The following ARID2 variants were observed in gnomAD, a reference collection of about 807,000 sequenced individuals.
ARID2 encodes AT-rich interactive domain-containing protein 2.
ARID2 carries 32 observed loss-of-function variants against 184.6 expected under a neutral mutation model. The ratio of observed to expected loss-of-function variants is 0.17; its 90% CI spans 0.13 to 0.23. The LOEUF is 0.23. Among genes scored for constraint, ARID2 ranks in the 10% least tolerant of loss-of-function variants. The probability of loss-of-function intolerance (pLI) is 1.00; values close to 1 mark genes in which losing one functional copy is unlikely to be tolerated. For synonymous variants in ARID2, 836 were observed against 772.6 expected (o/e 1.08, Z -1.36); for missense variants, 1,696 against 2,197.6 (o/e 0.77, Z 4.56).
intron 20 of ARID2, among the ~76,000 whole-genome samples, chr12:45,901,119 C>T (rs1944451076): frequency 8.7e-6 from 1 of 114,734 alleles, no homozygotes; most frequent in Non-Finnish European, 1.8e-5. Flanking sequence ...TTTCTGTTTT[C>T]TCTCTGTTTA....
intron 6 of ARID2, among the ~76,000 whole-genome samples, chr12:45,822,139 A>G (rs914830847): frequency 6.6e-6 from 1 of 152,182 alleles, no homozygotes; most frequent in Admixed American, 6.6e-5. Context: ...ACATTCAAGT[A>G]TGATTACTCT....
rs541389124 is a variant in ARID2, at chr12:45,893,472, G to C, written c.5200G>C (p.Val1734Leu). ...SSTPRAQKAIVNHPSAALMAL... is the reference protein window; with the variant it reads ...SSTPRAQKAILNHPSAALMAL... The stretch of plus-strand genomic sequence containing the variant: ...AACTCCTAGAGCACAAAAGGCCATT[G>C]TGAATCATCCCAGTGCTGCACTTAT... The change falls in exon 19 of 21, where the codon GTG (valine) becomes CTG (leucine). Residue 1734 changes from valine (V) to leucine (L), a missense_variant. Transcript: ENST00000334344. The C allele has an allele frequency of 2.7e-5, 44 of 1,614,100 alleles. 1 individual carries two copies. The South Asian group carries it at 4.7e-4, about 17-fold the overall frequency.
chr12:45,745,590 C>T (rs1941339374), intron 3 of ARID2, among the ~76,000 whole-genome samples: 1 of 152,182 alleles, frequency 6.6e-6, no homozygotes, highest in African/African-American at 2.4e-5. Flanking sequence ...CTATGTCACC[C>T]AGGCTAGAAT....
intron 11 of ARID2, among the ~76,000 whole-genome samples, chr12:45,845,677 T>C (rs1812548122): frequency 6.6e-6 from 1 of 152,212 alleles, no homozygotes; most frequent in East Asian, 1.9e-4. Context: ...GGGGCATTCA[T>C]CAAAGGTTAT....
chr12:45,733,624 A>G (rs777346599), intron 3 of ARID2, among the ~76,000 whole-genome samples: 5 of 152,212 alleles, frequency 3.3e-5, no homozygotes, highest in Non-Finnish European at 5.9e-5. Context: ...ATTTGCTCAC[A>G]TTCCCCTGTA....
intron 4 of ARID2, among the ~76,000 whole-genome samples, chr12:45,811,926 C>A (rs1289703122): frequency 6.6e-6 from 1 of 151,992 alleles, no homozygotes; most frequent in Non-Finnish European, 1.5e-5. Flanking sequence ...AATGGGATTT[C>A]CAGCATCAGA....
chr12:45,803,452 C>G (rs915239365), intron 3 of ARID2, among the ~76,000 whole-genome samples: 1 of 152,108 alleles, frequency 6.6e-6, no homozygotes, highest in East Asian at 1.9e-4. Flanking sequence ...TTATCAGTAT[C>G]CTTGCTTGAA....
At chr12:45,873,117 C>T (rs906171845) in intron 16 of ARID2, among the ~76,000 whole-genome samples, 1 of 152,182 alleles carries the variant, frequency 6.6e-6, no homozygotes, top group Non-Finnish European at 1.5e-5. Context: ...TTTTCTTTAT[C>T]ATTATGTAAT....
intron 20 of ARID2, among the ~76,000 whole-genome samples, chr12:45,899,376 G>A (rs1031363520): frequency 1.4e-4 from 21 of 149,542 alleles, no homozygotes; most frequent in South Asian, 4.2e-4. Flanking sequence ...AGGCCAAGGC[G>A]GGCAGATCAC....
Position 45,839,511 on chromosome 12 carries a change from A to G in ARID2, c.1498+15A>G, listed in dbSNP as rs1339498849. 5.0e-6 allele frequency: 8 copies of G among 1,603,946 alleles called. No homozygotes were observed. In the African/African-American group the frequency reaches 9.4e-5, roughly 19 times the overall value. On this transcript the variant is annotated intron_variant, in intron 11 of 20. Coordinates refer to ENST00000334344, the MANE Select transcript of ARID2 (RefSeq NM_152641.4). ...ATCTGCCCCAGGTTAGTGTTTTCAC[A>G]TATTCTTTTTCAGTGTGGTTACGAG...
At position 45,850,576 on chromosome 12, in the gene ARID2, G is replaced by T. The variant is rs1943528730; in HGVS notation, c.2453G>T (p.Gly818Val). Residue 818 changes from glycine to valine, a missense_variant, in exon 15 of 21, where the codon GGT (glycine) becomes GTT (valine). Coordinates refer to ENST00000334344, the MANE Select transcript of ARID2 (RefSeq NM_152641.4). Reference protein sequence around the residue: ...IPACTSTVSQGQQLITTSPQP... With the variant: ...IPACTSTVSQVQQLITTSPQP... Reference sequence around the variant, plus strand: ...GCATGTACTTCTACAGTTTCACAGGGTCAACAGTTAATCACCACATCACCC... The same window carrying T: ...GCATGTACTTCTACAGTTTCACAGGTTCAACAGTTAATCACCACATCACCC... The T allele has an allele frequency of 6.2e-7, 1 of 1,614,052 alleles. No individual in the cohort carries two copies. The highest frequency in any genetic ancestry group is 1.1e-5 in the South Asian group (1 of 91,080).
At chr12:45,891,581 A>T (rs1414438107) in intron 16 of ARID2, among the ~76,000 whole-genome samples, 199 bp from the exon 17 acceptor site, 1 of 152,194 alleles carries the variant, frequency 6.6e-6, no homozygotes, top group African/African-American at 2.4e-5. Context: ...TTTTAATGAT[A>T]TTTCATTCAC....
chr12:45,795,586 C>A (rs1222157011), intron 3 of ARID2, among the ~76,000 whole-genome samples: 1 of 152,074 alleles, frequency 6.6e-6, no homozygotes, highest in East Asian at 1.9e-4. Flanking sequence ...GCGCCCGCCA[C>A]CACGCCTGGT....
rs1259446790 is a variant in ARID2 at position 45,851,328 on chromosome 12, G to A, written c.3205G>A (p.Gly1069Ser). ...TAAACAGCTTCTGCTTCCGAAACGTGGTCCTTCAACACCAGGTGGTAAGCT... is the reference window on the plus strand; with the variant it reads ...TAAACAGCTTCTGCTTCCGAAACGTAGTCCTTCAACACCAGGTGGTAAGCT... ...LIKQLLLPKRGPSTPGGKLIL... is the reference protein window; with the variant it reads ...LIKQLLLPKRSPSTPGGKLIL... Residue 1069 changes from glycine (G) to serine (S), a missense_variant, in exon 15 of 21, where the codon GGT (glycine) becomes AGT (serine). This residue lies in a region of ARID2 where 713 missense variants were observed against 824.4 expected (regional missense o/e 0.86). Coordinates refer to ENST00000334344, the MANE Select transcript of ARID2 (RefSeq NM_152641.4). 6.2e-7 allele frequency: 1 copy of A among 1,614,054 alleles called. No homozygotes were observed. Among genetic ancestry groups the A allele is most frequent in the Non-Finnish European group, 8.5e-7 (1 of 1,179,982 alleles).
intron 2 of ARID2, among the ~76,000 whole-genome samples, chr12:45,730,825 C>T (rs1017830056): frequency 1.3e-5 from 2 of 151,540 alleles, no homozygotes; most frequent in Admixed American, 6.6e-5. Flanking sequence ...CCGGCCCCCC[C>T]CCCAACCCGC....
intron 15 of ARID2, among the ~76,000 whole-genome samples, chr12:45,854,750 T>C (rs1943614245): frequency 6.6e-6 from 1 of 152,210 alleles, no homozygotes; most frequent in Non-Finnish European, 1.5e-5. Flanking sequence ...AATCTTCCAA[T>C]GTGGTTGTAG....
chr12:45,865,994 C>T (rs1021135737), intron 16 of ARID2, among the ~76,000 whole-genome samples: 2 of 151,896 alleles, frequency 1.3e-5, no homozygotes, highest in African/African-American at 4.8e-5. Flanking sequence ...AGAAGATAAC[C>T]ATGGTTGTAA....
At chr12:45,892,310 T>C (rs902013873) in intron 18 of ARID2, among the ~76,000 whole-genome samples, 2 of 152,212 alleles carry the variant, frequency 1.3e-5, no homozygotes, top group African/African-American at 4.8e-5. Flanking sequence ...TAAGTTACCT[T>C]TCAGCTCTAA....
chr12:45,824,162 G>A (rs1001675840), intron 6 of ARID2, among the ~76,000 whole-genome samples: 4 of 151,964 alleles, frequency 2.6e-5, no homozygotes, highest in African/African-American at 9.7e-5. Flanking sequence ...ACAGAATGAA[G>A]GACAAAAATA....
Sources: allele counts gnomAD v4.1 joint callset (sites outside exome capture counted in the v4.1 genomes callset), GRCh38; gene constraint gnomAD v4.1.1; regional missense constraint gnomAD v4.1.1; transcripts MANE v1.5; gene names NCBI Gene and HGNC (gene_info 2026-07-23, HGNC 2026-07-21).